Variants in SLC5A11 observed in about 807,000 individuals in gnomAD.
SLC5A11 encodes the protein solute carrier family 5 member 11.
SLC5A11 carries 48 observed loss-of-function variants against 69.8 expected under a neutral mutation model. That is an observed-to-expected ratio of 0.69 (90% CI 0.55 to 0.87). The LOEUF is 0.87. Ranked by LOEUF, SLC5A11 falls within the 40% of genes least tolerant of loss-of-function variation. The probability of loss-of-function intolerance (pLI) is 0.00; values close to 1 mark genes in which losing one functional copy is unlikely to be tolerated. For synonymous variants in SLC5A11, 319 were observed against 342.4 expected (o/e 0.93, Z 0.75); for missense variants, 784 against 866.1 (o/e 0.91, Z 1.19).
intron 10 of SLC5A11, among the ~76,000 whole-genome samples, chr16:24,902,488 G>A (rs1253647613): frequency 6.6e-6 from 1 of 151,898 alleles, no homozygotes; most frequent in Non-Finnish European, 1.5e-5. Context: ...GTTGATATAT[G>A]GAAGATCAAT....
intron 6 of SLC5A11, among the ~76,000 whole-genome samples, chr16:24,876,471 A>G (rs2047681644): frequency 6.6e-6 from 1 of 152,166 alleles, no homozygotes; most frequent in South Asian, 2.1e-4. Flanking sequence ...AGGAAGTGGC[A>G]AAGAACAGGT....
At chr16:24,909,216 G>A (rs2050311814) in intron 14 of SLC5A11, 120 bp downstream of exon 15, 1 of 977,634 alleles carries the variant, frequency 1.0e-6, no homozygotes, top group Admixed American at 2.4e-5. Context: ...GTCCAGGGTT[G>A]AGGTTCAGGG....
chr16:24,859,917 AG>A (rs1278341666), intron 2 of SLC5A11, among the ~76,000 whole-genome samples: 2 of 152,210 alleles, frequency 1.3e-5, no homozygotes, highest in African/African-American at 4.8e-5. Flanking sequence ...TGGGAGGCCA[AG>A]GCAGGCAGAT....
chr16:24,873,313 A>G (rs2047454975), intron 5 of SLC5A11, among the ~76,000 whole-genome samples: 1 of 147,268 alleles, frequency 6.8e-6, no homozygotes, highest in Non-Finnish European at 1.5e-5. Flanking sequence ...AAATAAATAT[A>G]ATGTACCCTG....
At chr16:24,858,734 G>A (rs1567575336) in exon 2 of SLC5A11, 2 of 1,611,850 alleles carry the variant, frequency 1.2e-6, no homozygotes, top group Non-Finnish European at 1.7e-6. Flanking sequence ...GGACATCGCG[G>A]TGCTAGTTCT....
intron 5 of SLC5A11, among the ~76,000 whole-genome samples, chr16:24,874,614 A>G (rs1381426745): frequency 6.6e-6 from 1 of 152,132 alleles, no homozygotes; most frequent in African/African-American, 2.4e-5. Context: ...GCTGGAGTGC[A>G]GTGGCGTGCC....
exon 16 of SLC5A11, chr16:24,911,454 C>T: frequency 6.2e-7 from 1 of 1,614,136 alleles, no homozygotes; most frequent in Non-Finnish European, 8.5e-7. Flanking sequence ...GAAGAAAACC[C>T]CTTGGTGAAG....
At chr16:24,873,753 A>G (rs1170115329) in intron 5 of SLC5A11, among the ~76,000 whole-genome samples, 1 of 151,856 alleles carries the variant, frequency 6.6e-6, no homozygotes, top group East Asian at 1.9e-4. Flanking sequence ...TTAATTCTGC[A>G]TACCTGAACA....
chr16:24,855,976 C>T (rs975711913), intron 1 of SLC5A11, among the ~76,000 whole-genome samples: 2 of 152,194 alleles, frequency 1.3e-5, no homozygotes, highest in Admixed American at 6.5e-5. Flanking sequence ...CCTCCCTGCC[C>T]GCGTTCTTGC....
chr16:24,869,975 G>A (rs750447743), exon 4 of SLC5A11: 21 of 1,613,624 alleles, frequency 1.3e-5, no homozygotes, highest in East Asian at 2.2e-5. Flanking sequence ...GTGCTGCTAC[G>A]GGCATTTCTG....
chr16:24,862,977 A>G (rs1187836308), intron 3 of SLC5A11, among the ~76,000 whole-genome samples: 1 of 134,612 alleles, frequency 7.4e-6, no homozygotes, highest in African/African-American at 3.0e-5. Flanking sequence ...TATAATATAT[A>G]ATTATATAAT....
At chr16:24,868,328 T>A (rs376656835) in intron 3 of SLC5A11, among the ~76,000 whole-genome samples, 4 of 149,108 alleles carry the variant, frequency 2.7e-5, no homozygotes, top group African/African-American at 4.9e-5. Context: ...TGGTGGCTCA[T>A]GCCTGTAATC....
chr16:24,899,564 C>A (rs138398773), intron 10 of SLC5A11, among the ~76,000 whole-genome samples: 1,761 of 152,052 alleles, frequency 0.012, 15 homozygotes, highest in Non-Finnish European at 0.018. Flanking sequence ...CCACCATGCC[C>A]GGCTAATTTT....
intron 8 of SLC5A11, among the ~76,000 whole-genome samples, chr16:24,886,753 A>T (rs1479810745): frequency 6.6e-6 from 1 of 152,180 alleles, no homozygotes; most frequent in Non-Finnish European, 1.5e-5. Flanking sequence ...GCTTGAAACC[A>T]GCCTGGACAA....
At chr16:24,869,824 G>A in intron 3 of SLC5A11, 77 bp from the exon 5 acceptor site, 1 of 1,025,286 alleles carries the variant, frequency 9.8e-7, no homozygotes, top group Middle Eastern at 2.4e-4. Context: ...TCCCTTTGGA[G>A]CATGGAAATA....
intron 1 of SLC5A11, among the ~76,000 whole-genome samples, chr16:24,849,593 A>AAAAAAAAAAAAATATATATAT: frequency 1.4e-4 from 5 of 35,906 alleles, no homozygotes; most frequent in Non-Finnish European, 2.8e-4. Flanking sequence ...AAAAAAAAAA[A>AAAAAAAAAAAAATATATATAT]ATATATATAT....
At chr16:24,871,799 C>G (rs1567608576) in intron 4 of SLC5A11, among the ~76,000 whole-genome samples, 1 of 152,030 alleles carries the variant, frequency 6.6e-6, no homozygotes, top group Non-Finnish European at 1.5e-5. Context: ...GTCTCGGAGA[C>G]CTGTGTTAAC....
chr16:24,871,969 C>T (rs2047330408), intron 4 of SLC5A11, among the ~76,000 whole-genome samples, 191 bp from the exon 6 acceptor site: 1 of 152,152 alleles, frequency 6.6e-6, no homozygotes, highest in Admixed American at 6.6e-5. Flanking sequence ...CCACTCTCCT[C>T]TTCCTTCCCG....
intron 7 of SLC5A11, among the ~76,000 whole-genome samples, chr16:24,882,557 A>C (rs2048115811): frequency 6.6e-6 from 1 of 152,196 alleles, no homozygotes; most frequent in South Asian, 2.1e-4. Flanking sequence ...GGAAGGAGGA[A>C]GAACAGAGGT....
Sources: gnomAD v4.1 joint callset for allele counts (sites outside exome capture counted in the v4.1 genomes callset) on GRCh38, gnomAD v4.1.1 for gene constraint, MANE v1.5 for transcripts, NCBI Gene and HGNC (gene_info 2026-07-23, HGNC 2026-07-21) for gene names.